SCML4: variants seen among roughly 807,000 people sequenced by gnomAD.
SCML4 encodes the protein Scm polycomb group protein like 4, also known as sex comb on midleg-like protein 4.
A neutral mutation model predicts 41.1 loss-of-function variants in SCML4; 34 were observed. The observed-to-expected ratio is 0.83, with a 90% CI of 0.63 to 1.10. The LOEUF (loss-of-function observed/expected upper bound fraction) is 1.10, where lower values mean the gene tolerates loss of function less well. SCML4 is among the 50% of genes least tolerant of loss of function. The pLI, the probability that SCML4 is intolerant of heterozygous loss-of-function variation, is 0.00. For synonymous variants in SCML4, 214 were observed against 220.9 expected, an observed-to-expected ratio of 0.97 and a Z score of 0.28; for missense variants, 522 against 534.1, an observed-to-expected ratio of 0.98 and a Z score of 0.22.
chr6:107,744,758 G>A (rs1777908384), intron 5 of SCML4, among the ~76,000 whole-genome samples, 191 bp downstream of exon 5: 1 of 152,200 alleles, frequency 6.6e-6, no homozygotes, highest in Non-Finnish European at 1.5e-5. Flanking sequence ...TGCAGCCTGG[G>A]GTGGGGACTG....
chr6:107,788,950 A>T (rs1221177950), intron 1 of SCML4, among the ~76,000 whole-genome samples: 1 of 152,242 alleles, frequency 6.6e-6, no homozygotes, highest in Non-Finnish European at 1.5e-5. Context: ...TACAGGAAAG[A>T]AGACAAAATG....
chr6:107,831,433 A>G, the SCML4 span, among the ~76,000 whole-genome samples: 1 of 144,184 alleles, frequency 6.9e-6, no homozygotes, highest in Non-Finnish European at 1.5e-5. Flanking sequence ...AAAAAAAAAA[A>G]CCCAGCTCGT....
chr6:107,726,921 G>A (rs1204822147), intron 5 of SCML4, among the ~76,000 whole-genome samples: 2 of 152,100 alleles, frequency 1.3e-5, no homozygotes, highest in Non-Finnish European at 2.9e-5. Context: ...AAAAAGAAAT[G>A]AAAACAAATG....
chr6:107,711,333 G>C (rs1286407747), intron 6 of SCML4, among the ~76,000 whole-genome samples: 1 of 152,196 alleles, frequency 6.6e-6, no homozygotes, highest in South Asian at 2.1e-4. Context: ...ATACAGTCAT[G>C]CACCGCCTAA....
intron 5 of SCML4, among the ~76,000 whole-genome samples, chr6:107,736,390 T>C (rs1777068620): frequency 6.6e-6 from 1 of 152,172 alleles, no homozygotes; most frequent in Non-Finnish European, 1.5e-5. Flanking sequence ...CAGTGCTGGA[T>C]AACGGGCCTT....
intron 6 of SCML4, among the ~76,000 whole-genome samples, chr6:107,711,854 T>G (rs1250121743): frequency 6.6e-6 from 1 of 152,178 alleles, no homozygotes; most frequent in African/African-American, 2.4e-5. Flanking sequence ...GTCTCCTTCC[T>G]CCTTTTAATG....
chr6:107,763,190 T>A (rs73523472), intron 2 of SCML4, among the ~76,000 whole-genome samples: 4,267 of 152,104 alleles, frequency 0.028, 199 homozygotes, highest in African/African-American at 0.097. Flanking sequence ...CCTAGATTTT[T>A]GTTTTTTTAA....
chr6:107,708,747 C>T (rs1273925413), intron 6 of SCML4, among the ~76,000 whole-genome samples: 1 of 152,210 alleles, frequency 6.6e-6, no homozygotes, highest in African/African-American at 2.4e-5. Context: ...TGGTCCATAG[C>T]TGCTTCCTGG....
At chr6:107,774,679 G>A (rs1780780928) in intron 1 of SCML4, among the ~76,000 whole-genome samples, 1 of 152,020 alleles carries the variant, frequency 6.6e-6, no homozygotes, top group Non-Finnish European at 1.5e-5. Flanking sequence ...TTACTGAGGA[G>A]TAAAGACAAC....
intron 7 of SCML4, among the ~76,000 whole-genome samples, chr6:107,707,262 C>G (rs1341135761): frequency 6.6e-6 from 1 of 152,128 alleles, no homozygotes; most frequent in Admixed American, 6.5e-5. Flanking sequence ...AGATTGAGAT[C>G]GCACTACTGC....
intron 2 of SCML4, among the ~76,000 whole-genome samples, chr6:107,751,852 T>TCTCAAACTCTTGAC (rs1778722118): frequency 6.6e-6 from 1 of 152,096 alleles, no homozygotes; most frequent in Admixed American, 6.5e-5. Flanking sequence ...GCCAGGCTGA[T>TCTCAAACTCTTGAC]CTCAAACTCT....
At chr6:107,780,567 C>A (rs1430964971) in intron 1 of SCML4, among the ~76,000 whole-genome samples, 1 of 151,664 alleles carries the variant, frequency 6.6e-6, no homozygotes, top group East Asian at 1.9e-4. Flanking sequence ...ATTAGCCTAG[C>A]GTGGTGGCAC....
In SCML4 at chr6:107,738,845, G is replaced by T. The variant is rs12665443; in HGVS notation, c.682+6104C>A. Among the ~76,000 whole-genome samples, 695 of 152,230 alleles carry T rather than the reference G, an allele frequency of 4.6e-3. 5 individuals carry two copies. The highest frequency in any genetic ancestry group is 0.03 in the East Asian group (154 of 5,178). On this transcript the variant is annotated intron_variant, in intron 5 of 7. Coordinates refer to ENST00000369020, the MANE Select transcript of SCML4 (RefSeq NM_198081.5). ...ACCTCCAGCCCGGAGCTGTCAGCCT[G>T]TAAGGGACCAGCGAGAACATCTTGC... is the stretch of plus-strand genomic sequence containing the variant.
chr6:107,765,324 G>T (rs1211972439), intron 2 of SCML4, among the ~76,000 whole-genome samples: 1 of 152,198 alleles, frequency 6.6e-6, no homozygotes, highest in Non-Finnish European at 1.5e-5. Flanking sequence ...GCAGAACTCT[G>T]ATCCCCCAGG....
intron 1 of SCML4, among the ~76,000 whole-genome samples, chr6:107,806,644 T>C (rs1783751690): frequency 6.6e-6 from 1 of 152,170 alleles, no homozygotes; most frequent in African/African-American, 2.4e-5. Context: ...GTGGCTGGCT[T>C]TGAGTATTTA....
chr6:107,737,897 T>TA (rs1777228524), intron 5 of SCML4, among the ~76,000 whole-genome samples: 1 of 152,118 alleles, frequency 6.6e-6, no homozygotes, highest in Non-Finnish European at 1.5e-5. Context: ...CTTGTACAAA[T>TA]AAAAAATTGA....
chr6:107,712,590 C>T (rs375799120), intron 6 of SCML4, among the ~76,000 whole-genome samples: 21 of 152,120 alleles, frequency 1.4e-4, no homozygotes, highest in East Asian at 1.4e-3. Context: ...CTGGCTCGGG[C>T]GTGTTTCTTA....
At chr6:107,717,290 CAA>C (rs11449697) in intron 6 of SCML4, among the ~76,000 whole-genome samples, 115 of 119,104 alleles carry the variant, frequency 9.7e-4, no homozygotes, top group African/African-American at 3.3e-3. Flanking sequence ...GACTCTGTCT[CAA>C]AAAAAAAAAA....
chr6:107,818,879 G>C (rs1203118234), intron 1 of SCML4, among the ~76,000 whole-genome samples: 1 of 152,232 alleles, frequency 6.6e-6, no homozygotes, highest in Non-Finnish European at 1.5e-5. Flanking sequence ...TCATGGGCCT[G>C]GTGAGAGGGG....
Sources: allele counts gnomAD v4.1 joint callset (sites outside exome capture counted in the v4.1 genomes callset), GRCh38; gene constraint gnomAD v4.1.1; transcripts MANE v1.5; gene names NCBI Gene and HGNC (gene_info 2026-07-23, HGNC 2026-07-21).